The following ADGRE2 variants were observed in gnomAD, a reference collection of about 807,000 sequenced individuals.
ADGRE2 encodes the protein adhesion G protein-coupled receptor E2.
ADGRE2 carries 83 observed loss-of-function variants against 100.8 expected under a neutral mutation model. The ratio of observed to expected loss-of-function variants is 0.82; its 90% CI spans 0.69 to 0.99. The LOEUF (loss-of-function observed/expected upper bound fraction) is 0.99. Ranked by LOEUF, ADGRE2 falls within the 50% of genes least tolerant of loss-of-function variation. The pLI, the probability that ADGRE2 is intolerant of heterozygous loss-of-function variation, is 0.00. For missense variants in ADGRE2, 814 were observed against 1,035.7 expected (o/e 0.79, Z 2.94); for synonymous variants, 355 against 413.0 (o/e 0.86, Z 1.70).
intron 15 of ADGRE2, 53 bp downstream of exon 15, chr19:14,752,276 C>G: frequency 6.2e-7 from 1 of 1,600,962 alleles, no homozygotes; most frequent in Non-Finnish European, 8.6e-7. Flanking sequence ...ATTCCATGAG[C>G]CAGCGTGTCC....
At position 14,755,862 on chromosome 19, in the gene ADGRE2, C is replaced by T; in HGVS notation, c.1208G>A (p.Gly403Asp). 6.2e-7 allele frequency: 1 copy of T among 1,614,014 alleles called. No homozygotes were observed. Among genetic ancestry groups the T allele is most frequent in the African/African-American group, 1.3e-5 (1 of 75,048 alleles). Residue 403 changes from glycine (G) to aspartate (D), a missense_variant, in exon 13 of 21, where the codon GGC (glycine) becomes GAC (aspartate). Gly to Asp is a moderately conservative substitution (Grantham distance 94). Around this residue, in one of 5 missense-constraint regions of ADGRE2, gnomAD observed 569 missense variants for 692.7 expected, o/e 0.82. Coordinates refer to ENST00000315576, the MANE Select transcript of ADGRE2 (RefSeq NM_013447.4). Reference protein sequence around the residue: ...KSGDPGPSVVGLVSIPGMGKL... With the variant: ...KSGDPGPSVVDLVSIPGMGKL... ...GCCCATCCCTGGAATGGAGACAAGGCCCACCACAGAAGGGCCTGCAGGGCG... is the reference window on the plus strand; with the variant it reads ...GCCCATCCCTGGAATGGAGACAAGGTCCACCACAGAAGGGCCTGCAGGGCG...
intron 10 of ADGRE2, 48 bp from the exon 11 acceptor site, chr19:14,764,658 C>G: frequency 6.5e-7 from 1 of 1,546,822 alleles, no homozygotes; most frequent in South Asian, 1.2e-5. Context: ...CCAGAGGGCC[C>G]GCATGAAGAC....
intron 4 of ADGRE2, 37 bp downstream of exon 4, chr19:14,773,901 C>G: frequency 6.3e-7 from 1 of 1,590,160 alleles, no homozygotes; most frequent in Non-Finnish European, 8.6e-7. Flanking sequence ...GCCTCATAAT[C>G]GCAGATGTCC....
At chr19:14,746,785 CCAACCCATGA>C in intron 17 of ADGRE2, 101 bp downstream of exon 17, 22 of 1,024,724 alleles carry the variant, frequency 2.1e-5, no homozygotes, top group Non-Finnish European at 2.9e-5. Context: ...GAAACCTAAC[CCAACCCATGA>C]CAACCCAGGG....
At chr19:14,731,331 C>G (rs2042669655), downstream of ADGRE2, 4 of 784,266 alleles carry the variant, frequency 5.1e-6, no homozygotes, top group Admixed American at 4.9e-5. Context: ...CTTGGACTTT[C>G]AAACTTCCAG....
intron 11 of ADGRE2, among the ~76,000 whole-genome samples, chr19:14,763,465 AT>A (rs2043805158): frequency 1.3e-5 from 2 of 152,078 alleles, no homozygotes; most frequent in East Asian, 3.9e-4. Context: ...TTTTGAAGTG[AT>A]TTCTATTTTG....
chr19:14,773,376 CTCTTT>C (rs572698071), intron 4 of ADGRE2, among the ~76,000 whole-genome samples: 2,392 of 119,716 alleles, frequency 0.02, 43 homozygotes, highest in Non-Finnish European at 0.03. Context: ...TTCTTTTCTT[CTCTTT>C]TCTTTCTCTC....
At chr19:14,739,206 G>C (rs1026221107) in intron 20 of ADGRE2, among the ~76,000 whole-genome samples, 1 of 152,134 alleles carries the variant, frequency 6.6e-6, no homozygotes, top group Non-Finnish European at 1.5e-5. Context: ...CTGACCTCAA[G>C]TGCTCTGCCC....
downstream of ADGRE2, among the ~76,000 whole-genome samples, chr19:14,730,511 CT>C (rs2042661968): frequency 6.6e-6 from 1 of 151,600 alleles, no homozygotes; most frequent in Non-Finnish European, 1.5e-5. Flanking sequence ...TCTCTATCTC[CT>C]TTCTTTTTCT....
intron 17 of ADGRE2, 76 bp from the exon 18 acceptor site, chr19:14,746,399 G>T (rs1232961789): frequency 2.4e-6 from 2 of 828,848 alleles, no homozygotes; most frequent in Admixed American, 2.0e-5. Flanking sequence ...TTCAGACAGG[G>T]TCTTGCTCTG....
chr19:14,769,220 C>G (rs1035518505), intron 5 of ADGRE2, among the ~76,000 whole-genome samples: 2 of 151,864 alleles, frequency 1.3e-5, no homozygotes, highest in Non-Finnish European at 2.9e-5. Context: ...TGAGACACCC[C>G]CCCCCCATCT....
At position 14,751,916 on chromosome 19, in the gene ADGRE2, T is replaced by C. The variant is rs546177450; in HGVS notation, c.1789-245A>G. 7.4e-3 allele frequency among the ~76,000 whole-genome samples: 559 copies of C among 75,498 alleles called. 7 individuals are homozygous for C. Among genetic ancestry groups the C allele is most frequent in the South Asian group, 0.012 (21 of 1,746 alleles). 49.5% of individuals were successfully genotyped at this position (75,498 alleles called of 152,430 possible). A position where few individuals can be genotyped will look rare whatever the true frequency, so the allele number is the denominator to read the frequency against. ...ATACACACACACACACACACACATA[T>C]ATATATATATATATATTTTTTTTTT... On this transcript the variant is annotated intron_variant, in intron 15 of 20. Transcript: ENST00000315576.
rs765272900 is a variant in ADGRE2, at chr19:14,765,657, C to T, written c.781+1G>A. ...GGGGAGCTTCTAGGGCCAGGTCATA[C>T]CTTCACAGACAGTGTCCTTTTGGTT... On this transcript the variant is annotated splice_donor_variant, in intron 8 of 20. Coordinates refer to ENST00000315576, the MANE Select transcript of ADGRE2 (RefSeq NM_013447.4). LOFTEE classifies it high-confidence loss of function. 4 of 1,613,880 alleles carry T rather than the reference C, an allele frequency of 2.5e-6. No individual in the cohort carries two copies. Among genetic ancestry groups the T allele is most frequent in the Non-Finnish European group, 3.4e-6 (4 of 1,179,806 alleles).
chr19:14,755,955 A>C (rs2043488824), intron 12 of ADGRE2, 78 bp from the exon 13 acceptor site: 1 of 1,253,596 alleles, frequency 8.0e-7, no homozygotes. Flanking sequence ...TGCCCTGCAC[A>C]GAACTTTCTA....
chr19:14,743,088 C>T (rs960451240), intron 20 of ADGRE2, among the ~76,000 whole-genome samples: 10 of 151,958 alleles, frequency 6.6e-5, no homozygotes, highest in Admixed American at 1.3e-4. Flanking sequence ...GTGTATGCCA[C>T]CATGTCTGGC....
chr19:14,773,096 A>G (rs1289726187), intron 4 of ADGRE2, among the ~76,000 whole-genome samples: 2,542 of 137,032 alleles, frequency 0.019, 31 homozygotes, highest in East Asian at 0.046. Context: ...AAAAAAAAAA[A>G]AACAAAAAAA....
chr19:14,774,361 C>T lies in ADGRE2; in HGVS notation c.32-55G>A, dbSNP rs948379652. On this transcript the variant is annotated intron_variant, in intron 2 of 20. Transcript: ENST00000315576. ...GGGGATCCCAGGGTGGGAAAGGAGG[C>T]GTAAGGGTGATGCACTTTGTGGGAG... is the stretch of plus-strand genomic sequence containing the variant. 2.6e-5 allele frequency: 33 copies of T among 1,265,936 alleles called. No individual in the cohort carries two copies. The African/African-American group carries it at 4.2e-4, about 16-fold the overall frequency. The allele number at this position is 1,265,936 out of a possible 1,614,324, so 78.4% of individuals were successfully genotyped here. A position where few individuals can be genotyped will look rare whatever the true frequency, so the allele number is the denominator to read the frequency against.
At chr19:14,747,324 G>A (rs1418034945) in intron 16 of ADGRE2, among the ~76,000 whole-genome samples, 1 of 151,874 alleles carries the variant, frequency 6.6e-6, no homozygotes, top group Non-Finnish European at 1.5e-5. Context: ...AACATAGCAA[G>A]ACCCCATTTC....
rs376730274 is a variant in ADGRE2 at position 14,773,937 on chromosome 19, C to A, written c.199+1G>T. Reference sequence around the variant, plus strand: ...CCTGCGCTGCCCTCAAGCCTCTGTACCGTCACAAGTCTCCATGGGGGTGGT... The same window carrying A: ...CCTGCGCTGCCCTCAAGCCTCTGTAACGTCACAAGTCTCCATGGGGGTGGT... On this transcript the variant is annotated splice_donor_variant, in intron 4 of 20. Transcript: ENST00000315576. LOFTEE classifies it high-confidence loss of function. 27 of 1,613,808 alleles carry A rather than the reference C, an allele frequency of 1.7e-5. No individual in the cohort carries two copies. Among genetic ancestry groups the A allele is most frequent in the Non-Finnish European group, 4.2e-6 (5 of 1,179,800 alleles).
Sources: gnomAD v4.1 joint callset for allele counts (sites outside exome capture counted in the v4.1 genomes callset) on GRCh38, gnomAD v4.1.1 for gene constraint, gnomAD v4.1.1 regional missense constraint, MANE v1.5 for transcripts, NCBI Gene and HGNC (gene_info 2026-07-23, HGNC 2026-07-21) for gene names.